The following EMP1 variants were observed in gnomAD, a reference collection of about 807,000 sequenced individuals.
EMP1 encodes the protein epithelial membrane protein 1.
Under a neutral mutation model 15.7 loss-of-function variants are expected in EMP1, and 5 were observed. That is an observed-to-expected ratio of 0.32 (90% CI 0.17 to 0.67). EMP1 has a LOEUF of 0.67. Ranked by LOEUF, EMP1 falls within the 30% of genes least tolerant of loss-of-function variation. The probability of loss-of-function intolerance (pLI) is 0.74; values close to 1 mark genes in which losing one functional copy is unlikely to be tolerated. For missense variants in EMP1, 166 were observed against 194.2 expected (o/e 0.85, Z 0.86); for synonymous variants, 78 against 76.7 (o/e 1.02, Z -0.09).
At chr12:13,208,964 C>CT (rs934704371) in intron 1 of EMP1, 4 of 152,142 alleles carry the variant, frequency 2.6e-5, no homozygotes, top group Non-Finnish European at 4.4e-5. Flanking sequence ...TCAGACTTGA[C>CT]TTTAGGGGTT....
rs1864209061 is a variant in EMP1, at chr12:13,215,702, C to G, written c.*1011C>G. On this transcript the variant is annotated 3_prime_UTR_variant, in exon 5 of 5. Transcript: ENST00000256951. The stretch of plus-strand genomic sequence containing the variant: ...ATTATCAATATTGAGGATCAGGGCT[C>G]CTAGGCTCAGTGGTAGCTCTGGCTT... The G allele has an allele frequency of 6.6e-6, 1 of 152,544 alleles. No individual in the cohort carries two copies. Among genetic ancestry groups the G allele is most frequent in the Non-Finnish European group, 1.5e-5 (1 of 68,092 alleles). The allele number at this position is 152,544 out of a possible 1,614,324, so 9.4% of individuals were successfully genotyped here.
chr12:13,217,380 T>C lies in EMP1; in HGVS notation c.*2689T>C, dbSNP rs887479336. On this transcript the variant is annotated 3_prime_UTR_variant, in exon 5 of 5. Coordinates refer to ENST00000256951, the MANE Select transcript of EMP1 (RefSeq NM_001423.3). ...CAGGCAATCTTCCAGCCCCTTCTGG[T>C]CTTGGATGAAATAGTTGCACAGAGT... 3.9e-5 allele frequency: 6 copies of C among 152,216 alleles called. No individual in the cohort carries two copies. The highest frequency in any genetic ancestry group is 1.4e-4 in the African/African-American group (6 of 41,444). The allele number at this position is 152,216 out of a possible 1,614,324, so 9.4% of individuals were successfully genotyped here. A position where few individuals can be genotyped will look rare whatever the true frequency, so the allele number is the denominator to read the frequency against.
intron 4 of EMP1, 123 bp downstream of exon 4, chr12:13,213,944 T>C (rs764118134): frequency 1.1e-4 from 151 of 1,379,520 alleles, no homozygotes; most frequent in Non-Finnish European, 1.5e-4. Flanking sequence ...TTTTCTCCTC[T>C]GGTTATTTGT....
intron 1 of EMP1, among the ~76,000 whole-genome samples, chr12:13,206,966 G>A (rs1047684581): frequency 6.6e-6 from 1 of 151,602 alleles, no homozygotes; most frequent in Admixed American, 6.6e-5. Flanking sequence ...TGTGTGTGGT[G>A]TGTAAGAGGG....
chr12:13,205,864 A>G (rs1232102907), intron 1 of EMP1, among the ~76,000 whole-genome samples: 4 of 152,210 alleles, frequency 2.6e-5, no homozygotes, highest in African/African-American at 9.7e-5. Flanking sequence ...CAGAGCTTTT[A>G]TTTTTGGAAA....
rs1864230488 is a variant in EMP1, at chr12:13,218,080, C to T, written c.*3389C>T. 6.6e-6 allele frequency: 1 copy of T among 152,150 alleles called. No homozygotes were observed. Among genetic ancestry groups the T allele is most frequent in the Non-Finnish European group, 1.5e-5 (1 of 68,026 alleles). 9.4% of individuals were successfully genotyped at this position (152,150 alleles called of 1,614,324 possible). On this transcript the variant is annotated 3_prime_UTR_variant, in exon 5 of 5. Coordinates refer to ENST00000256951, the MANE Select transcript of EMP1 (RefSeq NM_001423.3). ...AAATTATGAGTATAAAGAGGGTGAG[C>T]TACAGAACTCTCCATGACCACTCAA...
intron 1 of EMP1, among the ~76,000 whole-genome samples, chr12:13,208,939 G>C (rs1864138370): frequency 6.6e-6 from 1 of 152,170 alleles, no homozygotes; most frequent in Admixed American, 6.5e-5. Context: ...GAGAGTGTGA[G>C]CTGGGCAGAG....
rs1864215786 is a variant in EMP1, at chr12:13,216,406, T to G, written c.*1715T>G. On this transcript the variant is annotated 3_prime_UTR_variant, in exon 5 of 5. Transcript: ENST00000256951. ...GGGCAAGCCACCAAATTACCTAGGC[T>G]GAGGTTAGAGAGATTGGCCAGCAAA... The G allele has an allele frequency of 1.4e-6, 1 of 702,500 alleles. No homozygotes were observed. Among genetic ancestry groups the G allele is most frequent in the Non-Finnish European group, 2.6e-6 (1 of 384,770 alleles). 43.5% of individuals were successfully genotyped at this position (702,500 alleles called of 1,614,324 possible).
intron 1 of EMP1, chr12:13,209,586 A>G (rs1864146168): frequency 6.6e-6 from 1 of 152,246 alleles, no homozygotes; most frequent in East Asian, 1.9e-4. Context: ...CATTATTAGT[A>G]GCTGCCATGT....
intron 1 of EMP1, among the ~76,000 whole-genome samples, chr12:13,203,427 C>T (rs1864083869): frequency 6.6e-6 from 1 of 152,196 alleles, no homozygotes; most frequent in Non-Finnish European, 1.5e-5. Context: ...CAGATGTTGC[C>T]CAGATCCACC....
At chr12:13,204,854 G>A (rs1486797844) in intron 1 of EMP1, among the ~76,000 whole-genome samples, 1 of 152,196 alleles carries the variant, frequency 6.6e-6, no homozygotes, top group Non-Finnish European at 1.5e-5. Context: ...GTAATCTCAG[G>A]ACTGTGTTAT....
intron 1 of EMP1, among the ~76,000 whole-genome samples, chr12:13,197,578 C>G (rs2121138568): frequency 6.6e-6 from 1 of 152,156 alleles, no homozygotes; most frequent in East Asian, 1.9e-4. Context: ...GAGTTCAAGA[C>G]AAGCCTGGCC....
Position 13,214,615 on chromosome 12 carries a change from C to A in EMP1, c.398C>A (p.Ser133Tyr). ...GGAACGCAGTATCACCACGGCTATT[C>A]CTACATCCTGGGCTGGATCTGCTTC... Reference protein sequence around the residue: ...RDGTQYHHGYSYILGWICFCF... With the variant: ...RDGTQYHHGYYYILGWICFCF... Residue 133 changes from serine (S) to tyrosine (Y), a missense_variant, in exon 5 of 5, where the codon TCC (serine) becomes TAC (tyrosine). Coordinates refer to ENST00000256951, the MANE Select transcript of EMP1 (RefSeq NM_001423.3). 6.2e-7 allele frequency: 1 copy of A among 1,613,970 alleles called. No individual in the cohort carries two copies. The highest frequency in any genetic ancestry group is 8.5e-7 in the Non-Finnish European group (1 of 1,180,020).
chr12:13,219,577 T>C lies in EMP1; in HGVS notation c.*4886T>C, dbSNP rs1864241891. The C allele has an allele frequency of 6.6e-6, 1 of 152,220 alleles. No individual in the cohort carries two copies. The highest frequency in any genetic ancestry group is 6.5e-5 in the Admixed American group (1 of 15,278). 9.4% of individuals were successfully genotyped at this position (152,220 alleles called of 1,614,324 possible). A position where few individuals can be genotyped will look rare whatever the true frequency, so the allele number is the denominator to read the frequency against. ...ACCAAATTCCTGTATTAGTCTGTTTTCACACTGCTATGAAGACATACTTGA... is the reference window on the plus strand; with the variant it reads ...ACCAAATTCCTGTATTAGTCTGTTTCCACACTGCTATGAAGACATACTTGA... On this transcript the variant is annotated 3_prime_UTR_variant, in exon 5 of 5. Transcript: ENST00000256951.
intron 1 of EMP1, among the ~76,000 whole-genome samples, chr12:13,198,892 T>C (rs1864037311): frequency 6.6e-6 from 1 of 152,168 alleles, no homozygotes; most frequent in South Asian, 2.1e-4. Context: ...CCCTTAGCTG[T>C]GAGAGTTTTT....
In EMP1 at chr12:13,216,375, T is replaced by C. The variant is rs760604472; in HGVS notation, c.*1684T>C. On this transcript the variant is annotated 3_prime_UTR_variant, in exon 5 of 5. Transcript: ENST00000256951. ...TCTATGTTTATTCTAGTTAAGGAAA[T>C]GTTGAGGGCAAGCCACCAAATTACC... 50 of 702,154 alleles carry C rather than the reference T, an allele frequency of 7.1e-5. No individual in the cohort carries two copies. Among genetic ancestry groups the C allele is most frequent in the Admixed American group, 2.0e-4 (10 of 49,950 alleles). 43.5% of individuals were successfully genotyped at this position (702,154 alleles called of 1,614,324 possible).
At chr12:13,206,927 TTGTGTGTGTGTGTG>T (rs58176335) in intron 1 of EMP1, among the ~76,000 whole-genome samples, 1 of 149,046 alleles carries the variant, frequency 6.7e-6, no homozygotes, top group Non-Finnish European at 1.5e-5. Flanking sequence ...ATTCTTTCAT[TTGTGTGTGTGTGTG>T]TGTGTGTGTG....
At chr12:13,203,183 A>G (rs1257739900) in intron 1 of EMP1, among the ~76,000 whole-genome samples, 2 of 152,162 alleles carry the variant, frequency 1.3e-5, no homozygotes, top group African/African-American at 2.4e-5. Flanking sequence ...GTCCCACCCA[A>G]GCGCCGCTGG....
Position 13,211,521 on chromosome 12 carries a change from T to C in EMP1, c.11T>C (p.Leu4Ser). Reference sequence around the variant, plus strand: ...AAAAAAAGAGCCAACATGTTGGTATTGCTGGCTGGTATCTTTGTGGTCCAC... The same window carrying C: ...AAAAAAAGAGCCAACATGTTGGTATCGCTGGCTGGTATCTTTGTGGTCCAC... MLV[L>S]LAGIFVVHIA... The change falls in exon 2 of 5, where the codon TTG (leucine) becomes TCG (serine). Residue 4 changes from leucine to serine, a missense_variant. By Grantham distance (145) the Leu-to-Ser change is moderately radical. Transcript: ENST00000256951. The surrounding 1 kb of genome is among the most constrained non-coding windows in gnomAD (Gnocchi z 4.7). 3 of 1,613,916 alleles carry C rather than the reference T, an allele frequency of 1.9e-6. No homozygotes were observed. Among genetic ancestry groups the C allele is most frequent in the Non-Finnish European group, 2.5e-6 (3 of 1,179,922 alleles).
Sources: gnomAD v4.1 joint callset for allele counts (sites outside exome capture counted in the v4.1 genomes callset) on GRCh38, gnomAD v4.1.1 for gene constraint, Gnocchi (gnomAD v3.1) non-coding constraint, MANE v1.5 for transcripts, NCBI Gene and HGNC (gene_info 2026-07-23, HGNC 2026-07-21) for gene names.